The following TLK1 variants were observed in gnomAD, a reference collection of about 807,000 sequenced individuals.
The protein encoded by TLK1 is serine/threonine-protein kinase tousled-like 1.
In TLK1, 24 loss-of-function variants were observed where a neutral mutation model predicts 105.3. The observed-to-expected ratio is 0.23, with a 90% CI of 0.17 to 0.32. The LOEUF (loss-of-function observed/expected upper bound fraction) is 0.32. Ranked by LOEUF, TLK1 falls within the 10% of genes least tolerant of loss-of-function variation. TLK1 has a pLI of 1.00. For synonymous variants in TLK1, 321 were observed against 310.4 expected, an observed-to-expected ratio of 1.03 and a Z score of -0.36; for missense variants, 558 against 910.5, an observed-to-expected ratio of 0.61 and a Z score of 4.98.
At chr2:171,060,106 G>A in intron 4 of TLK1, 1 of 1,472,512 alleles carries the variant, frequency 6.8e-7, no homozygotes, top group Non-Finnish European at 9.0e-7. Flanking sequence ...GGTGAAACAA[G>A]AAAAAACAAT....
intron 18 of TLK1, among the ~76,000 whole-genome samples, chr2:170,999,135 T>TCACAAGGATG (rs1244206822): frequency 6.6e-6 from 1 of 152,176 alleles, no homozygotes; most frequent in Non-Finnish European, 1.5e-5. Flanking sequence ...AAAAGATCCA[T>TCACAAGGATG]CACAAGGATG....
At chr2:171,112,910 T>G (rs1166419727) in intron 2 of TLK1, among the ~76,000 whole-genome samples, 2 of 152,170 alleles carry the variant, frequency 1.3e-5, no homozygotes, top group African/African-American at 4.8e-5. Flanking sequence ...TAGGATAACC[T>G]AATCTTACAA....
Position 171,056,584 on chromosome 2 carries a change from G to A in TLK1, c.454-18C>T. On this transcript the variant is annotated intron_variant, in intron 5 of 20. Transcript: ENST00000431350. The stretch of plus-strand genomic sequence containing the variant: ...CCCTGGTACTGAGTAAAAGAAAAAG[G>A]AAGCATTATTATTTACTAAAGCAGG... 1 of 1,595,482 alleles carries A rather than the reference G, an allele frequency of 6.3e-7. No homozygotes were observed. The highest frequency in any genetic ancestry group is 8.6e-7 in the Non-Finnish European group (1 of 1,164,794).
intron 14 of TLK1, among the ~76,000 whole-genome samples, chr2:171,009,367 A>C (rs73027220): frequency 0.16 from 22,884 of 143,134 alleles, 3,416 homozygotes; most frequent in African/African-American, 0.4. Flanking sequence ...GCAGTAGCAC[A>C]ATCTTGGCTC....
intron 1 of TLK1, among the ~76,000 whole-genome samples, chr2:171,198,400 A>G (rs1693317634): frequency 6.6e-6 from 1 of 152,224 alleles, no homozygotes; most frequent in Non-Finnish European, 1.5e-5. Context: ...CTATATCTCA[A>G]TTGGAAAAAT....
intron 1 of TLK1, among the ~76,000 whole-genome samples, chr2:171,142,985 C>T (rs535803252): frequency 6.6e-6 from 1 of 152,130 alleles, no homozygotes; most frequent in Admixed American, 6.5e-5. Flanking sequence ...TTCGCTTGAA[C>T]CCAGAATCAC....
chr2:171,157,741 A>G (rs1408453777), intron 1 of TLK1, among the ~76,000 whole-genome samples: 3 of 152,228 alleles, frequency 2.0e-5, no homozygotes, highest in African/African-American at 7.2e-5. Context: ...TGCTTATGGC[A>G]TATTTTTAAA....
At chr2:171,169,711 C>T (rs1159549402) in intron 1 of TLK1, among the ~76,000 whole-genome samples, 1 of 151,886 alleles carries the variant, frequency 6.6e-6, no homozygotes, top group Non-Finnish European at 1.5e-5. Context: ...GGAAAAAAAA[C>T]GCTGTATTTT....
intron 3 of TLK1, among the ~76,000 whole-genome samples, chr2:171,077,272 T>C (rs1688555102): frequency 6.6e-6 from 1 of 152,238 alleles, no homozygotes; most frequent in African/African-American, 2.4e-5. Flanking sequence ...TGAATAACCC[T>C]GCCCAACCAG....
chr2:171,202,461 A>G (rs547672234), intron 1 of TLK1, among the ~76,000 whole-genome samples: 4 of 152,048 alleles, frequency 2.6e-5, no homozygotes, highest in African/African-American at 9.6e-5. Context: ...TCAAAAAAAA[A>G]AAAGAATTTC....
chr2:171,091,023 C>T lies in TLK1; in HGVS notation c.259-8171G>A, dbSNP rs139524784. On this transcript the variant is annotated intron_variant, in intron 2 of 20. Coordinates refer to ENST00000431350, the MANE Select transcript of TLK1 (RefSeq NM_012290.5). ...CAGAAACTTCTATTAGACAGAGTTG[C>T]TATAAGATAGGGGATCAGCAAACTA... Among the ~76,000 whole-genome samples, 545 of 152,268 alleles carry T rather than the reference C, an allele frequency of 3.6e-3. 6 individuals are homozygous for T. Among genetic ancestry groups the T allele is most frequent in the African/African-American group, 0.012 (505 of 41,550 alleles).
chr2:171,158,446 G>A (rs995938844), intron 1 of TLK1, among the ~76,000 whole-genome samples: 1 of 152,194 alleles, frequency 6.6e-6, no homozygotes, highest in Admixed American at 6.5e-5. Flanking sequence ...TTTTTAAGTT[G>A]AAGTAACCTC....
intron 3 of TLK1, among the ~76,000 whole-genome samples, chr2:171,062,600 A>G (rs901523462): frequency 6.6e-6 from 1 of 152,260 alleles, no homozygotes; most frequent in East Asian, 1.9e-4. Context: ...CCTAGCATAC[A>G]GTTATTACTT....
At chr2:171,028,510 T>TTA (rs1435194346) in intron 11 of TLK1, 105 bp from the exon 12 acceptor site, 178 of 754,172 alleles carry the variant, frequency 2.4e-4, no homozygotes, top group Admixed American at 1.9e-4. Context: ...TGTGGACAAC[T>TTA]TTAAGCCCAA....
chr2:171,154,072 C>CT (rs34107077), intron 1 of TLK1: 59,134 of 144,792 alleles, frequency 0.41, 13,512 homozygotes, highest in African/African-American at 0.62. Flanking sequence ...ACCCAGCTAA[C>CT]TTTTTTTTTT....
intron 11 of TLK1, among the ~76,000 whole-genome samples, chr2:171,029,783 T>C (rs1685951676): frequency 6.6e-6 from 1 of 152,200 alleles, no homozygotes; most frequent in African/African-American, 2.4e-5. Flanking sequence ...TCTCGCTCTG[T>C]TGCCCAGGCT....
chr2:171,216,338 T>C (rs1030392956), intron 1 of TLK1, among the ~76,000 whole-genome samples: 1 of 152,012 alleles, frequency 6.6e-6, no homozygotes, highest in Middle Eastern at 3.4e-3. Flanking sequence ...TAGCCGGGTG[T>C]GGTGGTGGGC....
At chr2:171,188,903 T>G (rs775016872) in intron 1 of TLK1, among the ~76,000 whole-genome samples, 1 of 148,670 alleles carries the variant, frequency 6.7e-6, no homozygotes, top group Non-Finnish European at 1.5e-5. Context: ...TCAAGCAAAA[T>G]ACCTCATAGG....
chr2:171,133,530 C>G (rs1291914736), intron 1 of TLK1, among the ~76,000 whole-genome samples: 1 of 152,082 alleles, frequency 6.6e-6, no homozygotes, highest in Non-Finnish European at 1.5e-5. Context: ...ATCCAGGAGG[C>G]AGAGGTTGCA....
Sources: allele counts gnomAD v4.1 joint callset (sites outside exome capture counted in the v4.1 genomes callset), GRCh38; gene constraint gnomAD v4.1.1; transcripts MANE v1.5; gene names NCBI Gene and HGNC (gene_info 2026-07-23, HGNC 2026-07-21).